The following PRKCA variants were observed in gnomAD, a reference collection of about 807,000 sequenced individuals.
PRKCA encodes the protein protein kinase C alpha.
In PRKCA, 27 loss-of-function variants were observed where a neutral mutation model predicts 87.0. The ratio of observed to expected loss-of-function variants is 0.31; its 90% CI spans 0.23 to 0.43. PRKCA has a LOEUF of 0.43. Among genes scored for constraint, PRKCA ranks in the 20% least tolerant of loss-of-function variants. The pLI is 1.00. For synonymous variants in PRKCA, 329 were observed against 311.1 expected (o/e 1.06, Z -0.61); for missense variants, 518 against 852.3 (o/e 0.61, Z 4.88).
intron 5 of PRKCA, chr17:66,676,285 G>A (rs1344757890): frequency 6.6e-6 from 1 of 152,594 alleles, no homozygotes; most frequent in Admixed American, 6.5e-5. Flanking sequence ...TGAGCTGGTG[G>A]GGTGAGGGTT....
chr17:66,715,052 A>C (rs1417501562), intron 8 of PRKCA, among the ~76,000 whole-genome samples: 2 of 152,118 alleles, frequency 1.3e-5, no homozygotes, highest in African/African-American at 4.8e-5. Flanking sequence ...CCTGTCAGAG[A>C]CATTTTATAA....
intron 2 of PRKCA, among the ~76,000 whole-genome samples, chr17:66,369,753 C>T (rs1908985398): frequency 6.6e-6 from 1 of 152,176 alleles, no homozygotes; most frequent in South Asian, 2.1e-4. Flanking sequence ...CTGGGCTTCT[C>T]CATCCTCCAT....
At chr17:66,386,297 T>C (rs1163443587) in intron 2 of PRKCA, among the ~76,000 whole-genome samples, 2 of 152,198 alleles carry the variant, frequency 1.3e-5, no homozygotes, top group African/African-American at 4.8e-5. Context: ...TGCTTCGTTG[T>C]GTGGATGTGC....
At chr17:66,430,180 T>A (rs1913027498) in intron 2 of PRKCA, among the ~76,000 whole-genome samples, 1 of 152,132 alleles carries the variant, frequency 6.6e-6, no homozygotes, top group South Asian at 2.1e-4. Context: ...CTCTTCAGGC[T>A]TTGAGCGGAT....
intron 11 of PRKCA, among the ~76,000 whole-genome samples, chr17:66,741,305 G>A (rs1974154105): frequency 6.6e-6 from 1 of 152,004 alleles, no homozygotes; most frequent in African/African-American, 2.4e-5. Flanking sequence ...CCAGTGAATA[G>A]GAAAATGGAA....
At chr17:66,675,644 T>C (rs995328714) in intron 5 of PRKCA, among the ~76,000 whole-genome samples, 20 of 152,290 alleles carry the variant, frequency 1.3e-4, no homozygotes, top group Middle Eastern at 6.8e-3. Flanking sequence ...GAATGGAGAA[T>C]GCCCAGCCCA....
At chr17:66,735,853 G>C (rs1336725802) in intron 10 of PRKCA, among the ~76,000 whole-genome samples, 191 bp downstream of exon 10, 3 of 151,212 alleles carry the variant, frequency 2.0e-5, no homozygotes, top group Non-Finnish European at 4.4e-5. Flanking sequence ...TCTCTGTGAT[G>C]TCCTCTGCTT....
At position 66,642,632 on chromosome 17, in the gene PRKCA, A is replaced by G. The variant is rs529170282; in HGVS notation, c.400+1166A>G. ...CCAGAAGCTGATATTTGTATCTTACATGGAGCAAACTGTAGAAAAAGAAAC... is the reference window on the plus strand; with the variant it reads ...CCAGAAGCTGATATTTGTATCTTACGTGGAGCAAACTGTAGAAAAAGAAAC... On this transcript the variant is annotated intron_variant, in intron 4 of 16. Coordinates refer to ENST00000413366, the MANE Select transcript of PRKCA (RefSeq NM_002737.3). Among the ~76,000 whole-genome samples the G allele has an allele frequency of 1.1e-3, 162 of 152,352 alleles. 1 individual carries two copies. Among genetic ancestry groups the G allele is most frequent in the African/African-American group, 3.6e-3 (150 of 41,592 alleles).
chr17:66,400,767 A>G (rs1910975975), intron 2 of PRKCA, among the ~76,000 whole-genome samples: 1 of 152,224 alleles, frequency 6.6e-6, no homozygotes, highest in South Asian at 2.1e-4. Context: ...ATTTCTCTGC[A>G]TCATTGCCAA....
chr17:66,482,032 C>T (rs747641738), intron 2 of PRKCA, among the ~76,000 whole-genome samples: 1 of 131,790 alleles, frequency 7.6e-6, no homozygotes, highest in Admixed American at 9.2e-5. Flanking sequence ...ACCTGGGAGG[C>T]GGAGGTTGCA....
chr17:66,675,499 G>C (rs568821488), intron 5 of PRKCA, among the ~76,000 whole-genome samples: 1 of 152,200 alleles, frequency 6.6e-6, no homozygotes, highest in Non-Finnish European at 1.5e-5. Context: ...CTGAAAGTGC[G>C]TGGAGAGAGG....
At chr17:66,557,067 C>T (rs942154434) in intron 3 of PRKCA, among the ~76,000 whole-genome samples, 1 of 152,102 alleles carries the variant, frequency 6.6e-6, no homozygotes, top group African/African-American at 2.4e-5. Context: ...GATTCAGAGA[C>T]CAAGTGACCA....
intron 10 of PRKCA, among the ~76,000 whole-genome samples, chr17:66,736,283 G>GC (rs1434037913): frequency 1.4e-5 from 2 of 139,164 alleles, no homozygotes; most frequent in Non-Finnish European, 3.2e-5. Flanking sequence ...CACAGTCTTG[G>GC]CTTTTTTTTT....
At chr17:66,357,727 G>A (rs115673513) in intron 2 of PRKCA, among the ~76,000 whole-genome samples, 1,669 of 152,288 alleles carry the variant, frequency 0.011, 36 homozygotes, top group African/African-American at 0.038. Flanking sequence ...CATGGTGTAT[G>A]TTTGGTAGAT....
chr17:66,564,840 C>T (rs535279123), intron 3 of PRKCA, among the ~76,000 whole-genome samples: 4 of 152,086 alleles, frequency 2.6e-5, no homozygotes, highest in Admixed American at 6.5e-5. Context: ...ATTAGCCGGA[C>T]GCAGTGGCAG....
At chr17:66,337,143 C>T (rs1216785912) in intron 2 of PRKCA, among the ~76,000 whole-genome samples, 2 of 151,890 alleles carry the variant, frequency 1.3e-5, no homozygotes, top group Admixed American at 1.3e-4. Context: ...TCATTTTTTT[C>T]CTCCGCAGAG....
intron 3 of PRKCA, among the ~76,000 whole-genome samples, chr17:66,635,246 C>A (rs1331819777): frequency 6.6e-6 from 1 of 151,484 alleles, no homozygotes; most frequent in Admixed American, 6.6e-5. Context: ...CTGATCATTT[C>A]CATGATGAAT....
At chr17:66,303,046 C>A in intron 1 of PRKCA, 22 bp downstream of exon 1, 1 of 1,590,302 alleles carries the variant, frequency 6.3e-7, no homozygotes, top group Admixed American at 1.7e-5. Flanking sequence ...GCCGGGCACT[C>A]CTGCCCCGCT....
In PRKCA at chr17:66,362,853, C is replaced by T. The variant is rs1908477547; in HGVS notation, c.205+56726C>T. Among the ~76,000 whole-genome samples the T allele has an allele frequency of 2.0e-5, 3 of 152,218 alleles. No homozygotes were observed. In the South Asian group the frequency reaches 6.2e-4, roughly 32 times the overall value. On this transcript the variant is annotated intron_variant, in intron 2 of 16. Transcript: ENST00000413366. The stretch of plus-strand genomic sequence containing the variant: ...GGGATTACAGGCATGTGCCGCCATG[C>T]CAGGCTAATTTTTGTATTTTAGTAG...
Sources: gnomAD v4.1 joint callset for allele counts (sites outside exome capture counted in the v4.1 genomes callset) on GRCh38, gnomAD v4.1.1 for gene constraint, MANE v1.5 for transcripts, NCBI Gene and HGNC (gene_info 2026-07-23, HGNC 2026-07-21) for gene names.